The following CTNNA1 variants were observed in gnomAD, a reference collection of about 807,000 sequenced individuals.
CTNNA1 encodes the protein catenin alpha 1.
A neutral mutation model predicts 98.4 loss-of-function variants in CTNNA1; 37 were observed. The observed-to-expected ratio is 0.38, with a 90% CI of 0.29 to 0.49. The LOEUF (loss-of-function observed/expected upper bound fraction) is 0.49. CTNNA1 is among the 20% of genes least tolerant of loss of function. CTNNA1 has a pLI of 0.95. For missense variants in CTNNA1, 761 were observed against 1,147.2 expected (o/e 0.66, Z 4.86); for synonymous variants, 404 against 413.2 (o/e 0.98, Z 0.27).
intron 7 of CTNNA1, among the ~76,000 whole-genome samples, chr5:138,845,000 A>G (rs1298776350): frequency 1.3e-5 from 2 of 152,200 alleles, no homozygotes; most frequent in East Asian, 3.9e-4. Context: ...TAGGTGTTTG[A>G]AATGTTTGTT....
intron 5 of CTNNA1, among the ~76,000 whole-genome samples, chr5:138,820,039 GC>G (rs966737561): frequency 1.1e-5 from 1 of 92,508 alleles, no homozygotes; most frequent in Non-Finnish European, 2.2e-5. Context: ...CCCCCGCCCT[GC>G]CCCCCACCGC....
intron 1 of CTNNA1, among the ~76,000 whole-genome samples, chr5:138,775,044 TTA>T (rs1320275859): frequency 3.3e-5 from 5 of 152,260 alleles, no homozygotes; most frequent in Admixed American, 2.6e-4. Flanking sequence ...AGTGAAATAG[TTA>T]TGTGTTGTAC....
At chr5:138,826,293 T>A (rs1448938169) in intron 6 of CTNNA1, among the ~76,000 whole-genome samples, 5 of 152,136 alleles carry the variant, frequency 3.3e-5, no homozygotes, top group South Asian at 4.1e-4. Context: ...GTAGAAAAAA[T>A]TTGGCATTTA....
chr5:138,795,761 T>A (rs1479873041), intron 3 of CTNNA1, among the ~76,000 whole-genome samples: 1 of 152,176 alleles, frequency 6.6e-6, no homozygotes, highest in Non-Finnish European at 1.5e-5. Flanking sequence ...CTTTTTTTTT[T>A]CTTCCTCTAG....
chr5:138,904,307 C>A, intron 9 of CTNNA1, 42 bp from the exon 10 acceptor site: 1 of 1,583,450 alleles, frequency 6.3e-7, no homozygotes, highest in South Asian at 1.2e-5. Context: ...CCTTAGCAGT[C>A]AAAAGAGAAA....
intron 7 of CTNNA1, among the ~76,000 whole-genome samples, chr5:138,851,845 C>T (rs1763213697): frequency 6.6e-6 from 1 of 152,068 alleles, no homozygotes; most frequent in Non-Finnish European, 1.5e-5. Flanking sequence ...CACCTGTGGT[C>T]AGGAGTTCAA....
intron 3 of CTNNA1, among the ~76,000 whole-genome samples, chr5:138,788,241 G>T (rs1376785156): frequency 6.6e-6 from 1 of 152,126 alleles, no homozygotes; most frequent in Non-Finnish European, 1.5e-5. Flanking sequence ...TGACCATTCT[G>T]TTTGTATCTA....
At chr5:138,758,689 T>A (rs1023323752) in intron 1 of CTNNA1, among the ~76,000 whole-genome samples, 2 of 152,210 alleles carry the variant, frequency 1.3e-5, no homozygotes, top group Non-Finnish European at 2.9e-5. Flanking sequence ...TTTTTATTTT[T>A]AAAATACATT....
chr5:138,773,814 C>T (rs768525174), intron 1 of CTNNA1, among the ~76,000 whole-genome samples: 4 of 151,470 alleles, frequency 2.6e-5, no homozygotes, highest in East Asian at 3.9e-4. Flanking sequence ...TTGGCTGAAG[C>T]GATCCTCCTG....
At chr5:138,794,757 A>G (rs1187022038) in intron 3 of CTNNA1, among the ~76,000 whole-genome samples, 1 of 152,248 alleles carries the variant, frequency 6.6e-6, no homozygotes, top group African/African-American at 2.4e-5. Flanking sequence ...GGGATGGGGT[A>G]GGAAACATAT....
At chr5:138,917,959 T>G in intron 11 of CTNNA1, 61 bp downstream of exon 11, 1 of 1,532,488 alleles carries the variant, frequency 6.5e-7, no homozygotes, top group Non-Finnish European at 9.0e-7. Context: ...TTGTCTAAGT[T>G]GTATTAATGG....
At chr5:138,868,020 G>A (rs898567093) in intron 7 of CTNNA1, among the ~76,000 whole-genome samples, 1 of 152,060 alleles carries the variant, frequency 6.6e-6, no homozygotes, top group African/African-American at 2.4e-5. Flanking sequence ...CCAAAGTACT[G>A]GGATTACTGG....
chr5:138,858,594 C>CTTTTTCTTTTTCTTTTTCTTTTTCT (rs775638677), intron 7 of CTNNA1, among the ~76,000 whole-genome samples: 52 of 124,062 alleles, frequency 4.2e-4, no homozygotes, highest in African/African-American at 1.5e-3. Flanking sequence ...TTTTCTTTTT[C>CTTTTTCTTTTTCTTTTTCTTTTTCT]TTTTTTTTTT....
chr5:138,776,978 G>A (rs1196315818), intron 1 of CTNNA1, among the ~76,000 whole-genome samples: 1 of 148,214 alleles, frequency 6.7e-6, no homozygotes, highest in Non-Finnish European at 1.5e-5. Context: ...CCCGGACGGG[G>A]CGGCTGGCCT....
At chr5:138,887,377 C>T in intron 8 of CTNNA1, 113 bp from the exon 9 acceptor site, 1 of 712,242 alleles carries the variant, frequency 1.4e-6, no homozygotes, top group Admixed American at 3.2e-5. Context: ...CATGTAAGTG[C>T]AGCAAGTCTA....
rs144323973 is a variant in CTNNA1, at chr5:138,873,064, A to G, written c.1063-13148A>G. ...GCTGACACTTGCACTGTCCATAACC[A>G]TTAATGATGATGAAGGGTCCTTCAT... is the stretch of plus-strand genomic sequence containing the variant. On this transcript the variant is annotated intron_variant, in intron 7 of 17. Transcript: ENST00000302763. The surrounding 1 kb of genome is among the most constrained non-coding windows in gnomAD (Gnocchi z 6.1). The G allele has an allele frequency of 1.3e-4, 203 of 1,613,966 alleles. No homozygotes were observed. In the East Asian group the frequency reaches 4.4e-3, roughly 35 times the overall value.
rs772463245 is a variant in CTNNA1 at position 138,924,488 on chromosome 5, C to G, written c.1547-22C>G. On this transcript the variant is annotated intron_variant, in intron 11 of 17. Transcript: ENST00000302763. ...TTCATAGAAAGCCTCCTTCCTCATTCAACTTTTTGCTTGTTCTCCAGAGAA... is the reference window on the plus strand; with the variant it reads ...TTCATAGAAAGCCTCCTTCCTCATTGAACTTTTTGCTTGTTCTCCAGAGAA... 3.7e-6 allele frequency: 6 copies of G among 1,613,090 alleles called. No individual in the cohort carries two copies. In the Admixed American group the frequency reaches 6.7e-5, roughly 18 times the overall value.
Position 138,933,826 on chromosome 5 carries a change from C to T in CTNNA1, c.2458C>T (p.Gln820Ter). ...GGTGGACAGCGCCATGTCCCTGATC[C>T]AGGCAGCCAAGAACTTGATGAATGC... ...SGVDSAMSLI[Q>*]AAKNLMNAVV... The change falls in exon 18 of 18, where the codon CAG becomes TAG. Residue 820 changes from glutamine (Q) to a stop codon, truncating the protein, a stop_gained. Transcript: ENST00000302763. LOFTEE classifies it high-confidence loss of function. The T allele has an allele frequency of 6.2e-7, 1 of 1,613,860 alleles. No homozygotes were observed. The highest frequency in any genetic ancestry group is 8.5e-7 in the Non-Finnish European group (1 of 1,179,986).
At chr5:138,799,860 GTAT>G (rs1757374280) in intron 3 of CTNNA1, among the ~76,000 whole-genome samples, 1 of 148,362 alleles carries the variant, frequency 6.7e-6, no homozygotes, top group Admixed American at 6.7e-5. Flanking sequence ...AGATGTAGAT[GTAT>G]GTATGTATGT....
Sources: allele counts gnomAD v4.1 joint callset (sites outside exome capture counted in the v4.1 genomes callset), GRCh38; gene constraint gnomAD v4.1.1; non-coding constraint Gnocchi (gnomAD v3.1); transcripts MANE v1.5; gene names NCBI Gene and HGNC (gene_info 2026-07-23, HGNC 2026-07-21).